The following PDE1A variants were observed in gnomAD, a reference collection of about 807,000 sequenced individuals.
PDE1A encodes the protein phosphodiesterase 1A.
PDE1A carries 35 observed loss-of-function variants against 61.7 expected under a neutral mutation model. The observed-to-expected ratio is 0.57, with a 90% confidence interval of 0.43 to 0.75. The LOEUF (loss-of-function observed/expected upper bound fraction) is 0.75. Ranked by LOEUF, PDE1A falls within the 30% of genes least tolerant of loss-of-function variation. The pLI, the probability that PDE1A is intolerant of heterozygous loss-of-function variation, is 0.00. For synonymous variants in PDE1A, 232 were observed against 213.2 expected (o/e 1.09, Z -0.77); for missense variants, 597 against 630.6 (o/e 0.95, Z 0.57).
At chr2:182,313,983 C>T (rs1041621598) in intron 1 of PDE1A, among the ~76,000 whole-genome samples, 8 of 152,160 alleles carry the variant, frequency 5.3e-5, no homozygotes, top group Non-Finnish European at 1.0e-4. Flanking sequence ...GCATGTTCTA[C>T]TAACGGTAAA....
At chr2:182,466,974 A>C (rs1686711532) in intron 2 of PDE1A, among the ~76,000 whole-genome samples, 1 of 152,056 alleles carries the variant, frequency 6.6e-6, no homozygotes, top group Admixed American at 6.6e-5. Context: ...GGAGCTCTTA[A>C]GATTTGTCTT....
chr2:182,339,502 A>T (rs184158879), intron 1 of PDE1A, among the ~76,000 whole-genome samples: 1 of 152,332 alleles, frequency 6.6e-6, no homozygotes, highest in Non-Finnish European at 1.5e-5. Flanking sequence ...CATTACTGTA[A>T]TAATATGTAA....
intron 2 of PDE1A, among the ~76,000 whole-genome samples, chr2:182,491,151 A>C (rs1688365301): frequency 6.6e-6 from 1 of 152,236 alleles, no homozygotes; most frequent in African/African-American, 2.4e-5. Context: ...ATTGGTGGAC[A>C]ACAAATAGGG....
rs531879873 is a variant in PDE1A at position 182,415,292 on chromosome 2, T to C, written c.53+11286A>G. Reference sequence around the variant, plus strand: ...TCAGAAAATCACAATAAGTAAAATATTTTAAAATAACAAAACATGCAAGCT... The same window carrying C: ...TCAGAAAATCACAATAAGTAAAATACTTTAAAATAACAAAACATGCAAGCT... On this transcript the variant is annotated intron_variant, in intron 1 of 13. Coordinates refer to ENST00000351439, the Ensembl canonical transcript of PDE1A. Among the ~76,000 whole-genome samples, 42 of 152,242 alleles carry C rather than the reference T, an allele frequency of 2.8e-4. 1 individual carries two copies. In the South Asian group the frequency reaches 8.7e-3, roughly 32 times the overall value.
intron 1 of PDE1A, among the ~76,000 whole-genome samples, chr2:182,267,658 A>G (rs1050140923): frequency 2.0e-5 from 3 of 152,164 alleles, no homozygotes; most frequent in Non-Finnish European, 4.4e-5. Flanking sequence ...AATAATTTAT[A>G]TTATTATTAC....
intron 2 of PDE1A, among the ~76,000 whole-genome samples, chr2:182,444,398 C>T (rs1026150246): frequency 3.9e-5 from 6 of 152,030 alleles, no homozygotes; most frequent in African/African-American, 1.4e-4. Context: ...ATTACAATAG[C>T]ACTTATACTT....
At chr2:182,556,168 C>T in the PDE1A span, among the ~76,000 whole-genome samples, 1 of 151,846 alleles carries the variant, frequency 6.6e-6, no homozygotes, top group Non-Finnish European at 1.5e-5. Context: ...CAGAACTGAC[C>T]ATATTGAAAT....
intron 4 of PDE1A, among the ~76,000 whole-genome samples, chr2:182,232,224 C>A (rs1054362232): frequency 6.6e-6 from 1 of 152,106 alleles, no homozygotes; most frequent in East Asian, 1.9e-4. Context: ...GGGATATAAA[C>A]CACTCCAGCC....
chr2:182,326,073 C>A (rs1480837962), intron 1 of PDE1A, among the ~76,000 whole-genome samples: 2 of 152,014 alleles, frequency 1.3e-5, no homozygotes, highest in Admixed American at 6.6e-5. Flanking sequence ...AAATCAAAAC[C>A]ACAATGAGAT....
At chr2:182,712,187 T>G in the PDE1A span, among the ~76,000 whole-genome samples, 1 of 152,216 alleles carries the variant, frequency 6.6e-6, no homozygotes, top group African/African-American at 2.4e-5. Flanking sequence ...TCTTCACAAG[T>G]GTCAAAGTCT....
intron 6 of PDE1A, among the ~76,000 whole-genome samples, chr2:182,227,162 A>G (rs1440148333): frequency 2.0e-5 from 3 of 152,176 alleles, no homozygotes; most frequent in Admixed American, 2.0e-4. Context: ...AAAGAAGGCA[A>G]TATGCTGAAC....
upstream of PDE1A, among the ~76,000 whole-genome samples, chr2:182,527,944 T>C (rs964287857): frequency 6.6e-6 from 1 of 152,142 alleles, no homozygotes; most frequent in African/African-American, 2.4e-5. Flanking sequence ...TCCCCAGCCA[T>C]GTGGAACTGT....
At chr2:182,533,396 A>G in the PDE1A span, among the ~76,000 whole-genome samples, 2 of 152,238 alleles carry the variant, frequency 1.3e-5, no homozygotes, top group Non-Finnish European at 2.9e-5. Flanking sequence ...AATAACTTTT[A>G]CATAATCACA....
At chr2:182,399,185 T>C (rs1463368033) in intron 1 of PDE1A, among the ~76,000 whole-genome samples, 1 of 151,992 alleles carries the variant, frequency 6.6e-6, no homozygotes, top group Non-Finnish European at 1.5e-5. Flanking sequence ...TTTCTTAGTA[T>C]TTTTAACCCA....
the PDE1A span, among the ~76,000 whole-genome samples, chr2:182,564,453 GGTAACCC>G: frequency 6.6e-6 from 1 of 152,072 alleles, no homozygotes; most frequent in Non-Finnish European, 1.5e-5. Context: ...TCCCTTTGTG[GGTAACCC>G]GACCTTTCTC....
At chr2:182,638,503 T>G in the PDE1A span, among the ~76,000 whole-genome samples, 1 of 152,030 alleles carries the variant, frequency 6.6e-6, no homozygotes, top group African/African-American at 2.4e-5. Flanking sequence ...GCCCCTGCAC[T>G]CCAGCCTGGG....
chr2:182,143,897 T>C (rs1460158722), downstream of PDE1A, among the ~76,000 whole-genome samples: 1 of 152,122 alleles, frequency 6.6e-6, no homozygotes, highest in Non-Finnish European at 1.5e-5. Flanking sequence ...TGGGTGTGTG[T>C]GCGTGTGTTT....
At chr2:182,291,913 G>A (rs955200055) in intron 1 of PDE1A, among the ~76,000 whole-genome samples, 2 of 152,014 alleles carry the variant, frequency 1.3e-5, no homozygotes, top group African/African-American at 2.4e-5. Context: ...TATATTCATT[G>A]TGTTTCCCCT....
chr2:182,161,708 A>G (rs1263066163), intron 13 of PDE1A, among the ~76,000 whole-genome samples: 2 of 152,146 alleles, frequency 1.3e-5, no homozygotes, highest in African/African-American at 4.8e-5. Flanking sequence ...GCTATACTCC[A>G]AAAGAACTAC....
Sources: gnomAD v4.1 joint callset for allele counts (sites outside exome capture counted in the v4.1 genomes callset) on GRCh38, gnomAD v4.1.1 for gene constraint, MANE v1.5 for transcripts, NCBI Gene and HGNC (gene_info 2026-07-23, HGNC 2026-07-21) for gene names.